Variants in TXNDC12 observed in about 807,000 individuals in gnomAD.
The protein encoded by TXNDC12 is thioredoxin domain containing 12.
In TXNDC12, 22 loss-of-function variants were observed where a neutral mutation model predicts 24.2. The observed-to-expected ratio is 0.91, with a 90% CI of 0.65 to 1.30. The LOEUF (loss-of-function observed/expected upper bound fraction) is 1.30. Ranked by LOEUF, TXNDC12 falls within the 50% of genes most tolerant of loss-of-function variation. The pLI, the probability that TXNDC12 is intolerant of heterozygous loss-of-function variation, is 0.00. For missense variants in TXNDC12, 184 were observed against 205.8 expected (o/e 0.89, Z 0.65); for synonymous variants, 58 against 73.4 (o/e 0.79, Z 1.07).
At chr1:52,021,396 A>G (rs998766222) in intron 6 of TXNDC12, among the ~76,000 whole-genome samples, 5 of 151,702 alleles carry the variant, frequency 3.3e-5, no homozygotes, top group African/African-American at 9.7e-5. Flanking sequence ...ACACCTTCCT[A>G]CCGTCCCCAT....
rs763423389 is a variant in TXNDC12, at chr1:52,032,782, G to C, written c.159-4152C>G. ...ATTGTTGGGATGCATTTTAGTGTAC[G>C]AAATAAACTGGCGACGAAGGCGACT... On this transcript the variant is annotated intron_variant, in intron 2 of 6. Coordinates refer to ENST00000371626, the MANE Select transcript of TXNDC12 (RefSeq NM_015913.4). 6.2e-6 allele frequency: 10 copies of C among 1,614,212 alleles called. No individual in the cohort carries two copies. The highest frequency in any genetic ancestry group is 6.8e-6 in the Non-Finnish European group (8 of 1,180,042).
intron 3 of TXNDC12, among the ~76,000 whole-genome samples, chr1:52,028,350 CT>C (rs1387782886): frequency 6.6e-6 from 1 of 152,152 alleles, no homozygotes; most frequent in Non-Finnish European, 1.5e-5. Flanking sequence ...CATTTTAGCA[CT>C]TAATCCCATA....
intron 1 of TXNDC12, among the ~76,000 whole-genome samples, chr1:52,042,606 G>A (rs1381369330): frequency 2.0e-5 from 3 of 151,416 alleles, no homozygotes; most frequent in South Asian, 2.1e-4. Context: ...AATTACAAGC[G>A]CCTGCCACCA....
upstream of TXNDC12, chr1:52,055,320 G>T: frequency 3.9e-6 from 2 of 510,536 alleles, no homozygotes; most frequent in Non-Finnish European, 7.1e-6. Context: ...AGAAGGGTAC[G>T]AGAGCTGTTC....
In TXNDC12 at chr1:52,033,946, TAC is replaced by T. The variant is rs1367824144; in HGVS notation, c.159-5318_159-5317del. The T allele has an allele frequency of 7.7e-6, 11 of 1,428,162 alleles. No homozygotes were observed. In the Admixed American group the frequency reaches 1.5e-4, roughly 19 times the overall value. The allele number at this position is 1,428,162 out of a possible 1,614,324, so 88.5% of individuals were successfully genotyped here. On this transcript the variant is annotated intron_variant, in intron 2 of 6. Coordinates refer to ENST00000371626, the MANE Select transcript of TXNDC12 (RefSeq NM_015913.4). ...AGGTTCAGCTTTCTCAGAAAGGAGA[TAC>T]AGAGACTATAATGGCATCAGTTATT... is the stretch of plus-strand genomic sequence containing the variant.
intron 1 of TXNDC12, among the ~76,000 whole-genome samples, chr1:52,047,616 G>C (rs1686122528): frequency 6.6e-6 from 1 of 152,030 alleles, no homozygotes; most frequent in Non-Finnish European, 1.5e-5. Flanking sequence ...GAAAGAGAGA[G>C]AGAACTAAGC....
chr1:52,034,944 A>G (rs1685854866), intron 2 of TXNDC12, among the ~76,000 whole-genome samples: 1 of 151,634 alleles, frequency 6.6e-6, no homozygotes, highest in Non-Finnish European at 1.5e-5. Context: ...TTGTATTTTT[A>G]GTAGAGACGG....
chr1:52,028,472 T>C lies in TXNDC12; in HGVS notation c.211+106A>G, dbSNP rs1003247194. ...ATGTCATATGTTTCTTTAGTATTCC[T>C]TAAACAGTCAGTAGTGCTGGGCCAG... is the stretch of plus-strand genomic sequence containing the variant. On this transcript the variant is annotated intron_variant, in intron 3 of 6. Transcript: ENST00000371626. 1.6e-5 allele frequency: 14 copies of C among 859,074 alleles called. No homozygotes were observed. In the African/African-American group the frequency reaches 2.4e-4, roughly 15 times the overall value. The allele number at this position is 859,074 out of a possible 1,614,324, so 53.2% of individuals were successfully genotyped here. A position where few individuals can be genotyped will look rare whatever the true frequency, so the allele number is the denominator to read the frequency against.
intron 2 of TXNDC12, among the ~76,000 whole-genome samples, chr1:52,037,568 G>A (rs1040709235): frequency 1.3e-5 from 2 of 152,168 alleles, no homozygotes; most frequent in African/African-American, 4.8e-5. Flanking sequence ...TGGGTGGCCA[G>A]AGTATTGTCC....
chr1:52,052,655 A>G (rs1050386686), intron 1 of TXNDC12: 3 of 154,630 alleles, frequency 1.9e-5, no homozygotes, highest in African/African-American at 7.2e-5. Flanking sequence ...TACTCACACA[A>G]TTGTGAGCAT....
At chr1:52,034,248 A>G (rs1685840592) in intron 2 of TXNDC12, among the ~76,000 whole-genome samples, 2 of 152,232 alleles carry the variant, frequency 1.3e-5, no homozygotes, top group Admixed American at 1.3e-4. Context: ...TTCCCCACAA[A>G]AGATAAAAGG....
intron 2 of TXNDC12, among the ~76,000 whole-genome samples, chr1:52,029,474 C>A (rs2124363996): frequency 6.6e-6 from 1 of 152,318 alleles, no homozygotes; most frequent in African/African-American, 2.4e-5. Context: ...GCTCTCAAGG[C>A]TCAAATGACA....
intron 1 of TXNDC12, among the ~76,000 whole-genome samples, chr1:52,048,667 G>C (rs1285591094): frequency 6.6e-6 from 1 of 151,838 alleles, no homozygotes; most frequent in African/African-American, 2.4e-5. Flanking sequence ...AGGAGTTCAA[G>C]ACCAGCCTGG....
intron 1 of TXNDC12, 82 bp from the exon 2 acceptor site, chr1:52,041,679 T>C (rs1685995403): frequency 1.1e-6 from 1 of 898,980 alleles, no homozygotes; most frequent in African/African-American, 1.7e-5. Flanking sequence ...GTTCACAAGA[T>C]ACCCACTAAG....
At chr1:52,048,650 T>G (rs147254286) in intron 1 of TXNDC12, among the ~76,000 whole-genome samples, 68 of 152,056 alleles carry the variant, frequency 4.5e-4, no homozygotes, top group Non-Finnish European at 9.1e-4. Context: ...GCAGATCACT[T>G]GAGTTCAGGA....
At chr1:52,054,864 G>T in intron 1 of TXNDC12, 136 bp downstream of exon 1, 1 of 625,642 alleles carries the variant, frequency 1.6e-6, no homozygotes. Flanking sequence ...CTCCAGGAGC[G>T]GTTGGGGAAG....
chr1:52,042,946 G>A (rs920593363), intron 1 of TXNDC12, among the ~76,000 whole-genome samples: 5 of 152,182 alleles, frequency 3.3e-5, no homozygotes, highest in Admixed American at 3.3e-4. Context: ...TTTTAGTAGA[G>A]AGAGGGTTTC....
Position 52,041,587 on chromosome 1 carries a change from A to G in TXNDC12, c.108T>C (p.Asp36=). Residue 36 remains aspartate, a synonymous_variant, in exon 2 of 7, where the codon GAT becomes GAC. Transcript: ENST00000371626. ...CTTCCAGTGTCCTCCAATGAATATG[A>G]TCTCCAAAACCTGGAAGGAAAGAAC... is the stretch of plus-strand genomic sequence containing the variant. ...GHNGLGKGFG[D]HIHWRTLEDG... 6.2e-7 allele frequency: 1 copy of G among 1,611,070 alleles called. No homozygotes were observed. The highest frequency in any genetic ancestry group is 2.2e-5 in the East Asian group (1 of 44,748).
intron 2 of TXNDC12, among the ~76,000 whole-genome samples, chr1:52,039,895 G>A (rs1230491459): frequency 6.6e-6 from 1 of 151,986 alleles, no homozygotes; most frequent in African/African-American, 2.4e-5. Context: ...AGGTGTTTGT[G>A]TGCAGAAGTT....
Sources: gnomAD v4.1 joint callset for allele counts (sites outside exome capture counted in the v4.1 genomes callset) on GRCh38, gnomAD v4.1.1 for gene constraint, MANE v1.5 for transcripts, NCBI Gene and HGNC (gene_info 2026-07-23, HGNC 2026-07-21) for gene names.